The following ZC3H13 variants were observed in gnomAD, a reference collection of about 807,000 sequenced individuals.
The protein encoded by ZC3H13 is zinc finger CCCH-type containing 13, also known as zinc finger CCCH domain-containing protein 13.
ZC3H13 carries 64 observed loss-of-function variants against 204.1 expected under a neutral mutation model. The observed-to-expected ratio is 0.31, with a 90% CI of 0.26 to 0.39. The LOEUF (loss-of-function observed/expected upper bound fraction) is 0.39, where lower values mean the gene tolerates loss of function less well. Ranked by LOEUF, ZC3H13 falls within the 10% of genes least tolerant of loss-of-function variation. The probability of loss-of-function intolerance (pLI) is 1.00; values close to 1 mark genes in which losing one functional copy is unlikely to be tolerated. For missense variants in ZC3H13, 1,833 were observed against 2,082.7 expected (o/e 0.88, Z 2.33); for synonymous variants, 667 against 693.7 (o/e 0.96, Z 0.60).
In ZC3H13 at chr13:45,979,795, A is replaced by C; in HGVS notation, c.1912+18T>G. 1 of 1,544,018 alleles carries C rather than the reference A, an allele frequency of 6.5e-7. No homozygotes were observed. The highest frequency in any genetic ancestry group is 1.3e-5 in the South Asian group (1 of 79,810). ...AATTGATATTGTTCACTATTTAATA[A>C]AATTCTGTTTGACAAACCTCTCTCT... On this transcript the variant is annotated intron_variant, in intron 11 of 18. Coordinates refer to ENST00000679008, the MANE Select transcript of ZC3H13 (RefSeq NM_001330564.2).
At chr13:46,034,928 T>C (rs1411522442) in intron 4 of ZC3H13, among the ~76,000 whole-genome samples, 1 of 152,142 alleles carries the variant, frequency 6.6e-6, no homozygotes, top group Non-Finnish European at 1.5e-5. Flanking sequence ...TATATACCAG[T>C]TAGTATACAC....
chr13:46,005,601 T>C (rs1350840517), intron 7 of ZC3H13, among the ~76,000 whole-genome samples: 2 of 152,190 alleles, frequency 1.3e-5, no homozygotes, highest in East Asian at 3.9e-4. Flanking sequence ...GTGATCCCCA[T>C]GCCTCAGCCC....
chr13:45,964,974 A>G (rs1439555827), intron 16 of ZC3H13, among the ~76,000 whole-genome samples: 1 of 152,212 alleles, frequency 6.6e-6, no homozygotes, highest in Non-Finnish European at 1.5e-5. Flanking sequence ...TAGAAAGAAC[A>G]TTGCTAGACA....
chr13:45,963,617 T>A, intron 17 of ZC3H13: 1 of 1,335,048 alleles, frequency 7.5e-7, no homozygotes, highest in Non-Finnish European at 9.6e-7. Flanking sequence ...TACAAAAAGG[T>A]CATTGTACTC....
chr13:45,965,208 G>A (rs1156999252), intron 16 of ZC3H13, 72 bp downstream of exon 16: 1 of 1,535,876 alleles, frequency 6.5e-7, no homozygotes, highest in Non-Finnish European at 8.8e-7. Flanking sequence ...TTTTTACAGA[G>A]TAGAAGGTAA....
chr13:45,986,169 C>G (rs1158573279), intron 9 of ZC3H13, among the ~76,000 whole-genome samples: 1 of 152,222 alleles, frequency 6.6e-6, no homozygotes, highest in Non-Finnish European at 1.5e-5. Flanking sequence ...CTCAAATGTA[C>G]TTAAGCACTT....
intron 5 of ZC3H13, among the ~76,000 whole-genome samples, chr13:46,018,709 C>T (rs376528793): frequency 2.6e-5 from 4 of 152,108 alleles, no homozygotes; most frequent in African/African-American, 7.2e-5. Flanking sequence ...GAAGGTTTGA[C>T]ATACCTACCA....
At chr13:45,970,563 A>T in intron 12 of ZC3H13, 98 bp from the exon 13 acceptor site, 1 of 936,552 alleles carries the variant, frequency 1.1e-6, no homozygotes, top group Non-Finnish European at 1.6e-6. Flanking sequence ...ACTGGAACAT[A>T]TAATTGTAGG....
Position 46,041,885 on chromosome 13 carries a change from CTCG to C in ZC3H13, c.339+276_339+278del, listed in dbSNP as rs1566356927. Among the ~76,000 whole-genome samples the C allele has an allele frequency of 2.6e-5, 4 of 152,118 alleles. No individual in the cohort carries two copies. The South Asian group carries it at 8.3e-4, about 32-fold the overall frequency. On this transcript the variant is annotated intron_variant, in intron 4 of 18. Transcript: ENST00000679008. ...TGAAAACTTAAAGATACTCATGATC[CTCG>C]TCAAGGATCCCTACTAAGGGATCCC...
intron 3 of ZC3H13, among the ~76,000 whole-genome samples, chr13:46,043,225 A>G (rs575858441): frequency 3.9e-5 from 6 of 152,020 alleles, no homozygotes; most frequent in Non-Finnish European, 8.8e-5. Context: ...TATTTCAAGC[A>G]GTCATTGGGC....
At position 45,976,732 on chromosome 13, in the gene ZC3H13, C is replaced by T. The variant is rs561683816; in HGVS notation, c.1913-894G>A. Among the ~76,000 whole-genome samples the T allele has an allele frequency of 2.6e-5, 4 of 152,248 alleles. No homozygotes were observed. In the South Asian group the frequency reaches 8.3e-4, roughly 32 times the overall value. The stretch of plus-strand genomic sequence containing the variant: ...GATGGCATGAACTTTTTCAAAGAGA[C>T]AGCCATTTTTGAAAGCAACTACTGC... On this transcript the variant is annotated intron_variant, in intron 11 of 18. Transcript: ENST00000679008.
At chr13:46,041,550 T>C (rs1336090423) in intron 4 of ZC3H13, among the ~76,000 whole-genome samples, 1 of 152,080 alleles carries the variant, frequency 6.6e-6, no homozygotes, top group African/African-American at 2.4e-5. Context: ...TTTTAATGAG[T>C]GAACTGTATG....
intron 11 of ZC3H13, among the ~76,000 whole-genome samples, chr13:45,978,591 T>C (rs1367028615): frequency 1.3e-5 from 2 of 152,032 alleles, no homozygotes; most frequent in African/African-American, 4.8e-5. Context: ...TCAGAATATA[T>C]GTAAAGCAAC....
At chr13:45,979,742 G>T in intron 11 of ZC3H13, 71 bp downstream of exon 11, 2 of 1,420,288 alleles carry the variant, frequency 1.4e-6, no homozygotes, top group Non-Finnish European at 1.9e-6. Flanking sequence ...AAAGTAAATT[G>T]GTAACTGTTT....
intron 9 of ZC3H13, among the ~76,000 whole-genome samples, chr13:45,987,431 T>G (rs2039624450): frequency 6.6e-6 from 1 of 152,206 alleles, no homozygotes. Flanking sequence ...CTCTAGTTGT[T>G]AAATATCTTA....
chr13:45,959,401 C>A, intron 18 of ZC3H13, 82 bp downstream of exon 18: 2 of 1,315,728 alleles, frequency 1.5e-6, no homozygotes, highest in Non-Finnish European at 2.0e-6. Context: ...CATAAGATTG[C>A]AATCTCAATT....
Position 45,988,946 on chromosome 13 carries a change from G to C in ZC3H13, c.1096C>G (p.Pro366Ala). 1 of 1,614,116 alleles carries C rather than the reference G, an allele frequency of 6.2e-7. No individual in the cohort carries two copies. The highest frequency in any genetic ancestry group is 8.5e-7 in the Non-Finnish European group (1 of 1,180,028). The change falls in exon 9 of 19, where the codon CCT becomes GCT. Residue 366 changes from proline to alanine, a missense_variant. By Grantham distance (27) the Pro-to-Ala change is conservative. Around this residue, in one of 5 missense-constraint regions of ZC3H13, gnomAD observed 1,574 missense variants for 1,757.2 expected, o/e 0.90. Transcript: ENST00000679008. ...TAAGGAGAGGCAGAGCGTCGTAAAG[G>C]TGGAGTTAGTGTCCGCTGATAAGAT... The part of the protein sequence containing the change: ...SPSYQRTLTP[P>A]LRRSASPYPS...
At chr13:45,960,166 A>C (rs1024887540) in intron 17 of ZC3H13, among the ~76,000 whole-genome samples, 1 of 152,056 alleles carries the variant, frequency 6.6e-6, no homozygotes, top group Non-Finnish European at 1.5e-5. Context: ...CATGTTGGCC[A>C]GGCTAGTCTT....
intron 11 of ZC3H13, among the ~76,000 whole-genome samples, chr13:45,978,813 G>C (rs896708072): frequency 6.6e-6 from 1 of 152,056 alleles, no homozygotes; most frequent in Admixed American, 6.6e-5. Context: ...TATCAACACA[G>C]AACATAGAAA....
Sources: gnomAD v4.1 joint callset for allele counts (sites outside exome capture counted in the v4.1 genomes callset) on GRCh38, gnomAD v4.1.1 for gene constraint, gnomAD v4.1.1 regional missense constraint, MANE v1.5 for transcripts, NCBI Gene and HGNC (gene_info 2026-07-23, HGNC 2026-07-21) for gene names.